ERI1: variants seen among roughly 807,000 people sequenced by gnomAD.
The protein encoded by ERI1 is exoribonuclease 1, also known as 3'-5' exoribonuclease 1.
A neutral mutation model predicts 39.7 loss-of-function variants in ERI1; 39 were observed. The ratio of observed to expected loss-of-function variants is 0.98; its 90% CI spans 0.76 to 1.28. The LOEUF (loss-of-function observed/expected upper bound fraction) is 1.28, where lower values mean the gene tolerates loss of function less well. Among genes scored for constraint, ERI1 ranks in the 50% most tolerant of loss-of-function variants. The pLI, the probability that ERI1 is intolerant of heterozygous loss-of-function variation, is 0.00. For missense variants in ERI1, 581 were observed against 416.9 expected (o/e 1.39, Z -3.43); for synonymous variants, 204 against 149.6 (o/e 1.36, Z -2.65).
At chr8:9,021,676 C>G (rs1817907326) in intron 6 of ERI1, among the ~76,000 whole-genome samples, 1 of 150,662 alleles carries the variant, frequency 6.6e-6, no homozygotes, top group Non-Finnish European at 1.5e-5. Context: ...TTCCTTATAG[C>G]TTTAGTATTT....
chr8:9,051,859 T>A (rs1339281379), intron 3 of ERI1, among the ~76,000 whole-genome samples: 1 of 152,242 alleles, frequency 6.6e-6, no homozygotes, highest in Non-Finnish European at 1.5e-5. Context: ...TTCAGTCATT[T>A]GGACTATAAT....
chr8:9,066,778 G>A (rs1483501454), intron 3 of ERI1, among the ~76,000 whole-genome samples: 4 of 152,106 alleles, frequency 2.6e-5, no homozygotes, highest in African/African-American at 4.8e-5. Flanking sequence ...ACAGGCGGGT[G>A]AGTTGAGAGG....
At position 9,038,604 on chromosome 8, in the gene ERI1, A is replaced by C. The variant is rs921657478; in HGVS notation, n.299+18140A>C. Among the ~76,000 whole-genome samples, 9 of 152,080 alleles carry C rather than the reference A, an allele frequency of 5.9e-5. No homozygotes were observed. In the South Asian group the frequency reaches 1.7e-3, roughly 28 times the overall value. The stretch of plus-strand genomic sequence containing the variant: ...AAACCCTGTTTCTACAAAAAATTCA[A>C]AACTTAGCTGGGCGTGGTGGCACAA... On this transcript the variant is annotated intron_variant and non_coding_transcript_variant, in intron 3 of 3. Transcript: ENST00000518663.
At chr8:9,064,442 G>T (rs745875940) in intron 3 of ERI1, among the ~76,000 whole-genome samples, 45 of 152,142 alleles carry the variant, frequency 3.0e-4, no homozygotes, top group Non-Finnish European at 8.8e-5. Context: ...AAACACCAAG[G>T]GAAGGCTGCC....
At chr8:9,050,317 G>A (rs1217130638) in intron 3 of ERI1, among the ~76,000 whole-genome samples, 1 of 152,098 alleles carries the variant, frequency 6.6e-6, no homozygotes, top group African/African-American at 2.4e-5. Context: ...AGACCACCCT[G>A]GCCAACATGG....
chr8:9,015,003 A>G (rs909933259), intron 3 of ERI1, among the ~76,000 whole-genome samples: 2 of 152,016 alleles, frequency 1.3e-5, no homozygotes, highest in African/African-American at 2.4e-5. Flanking sequence ...TCGCCCAGCT[A>G]ATTTTTGTAT....
At chr8:9,093,504 T>TTA (rs1491102867) in intron 3 of ERI1, among the ~76,000 whole-genome samples, 2 of 124,866 alleles carry the variant, frequency 1.6e-5, no homozygotes, top group Admixed American at 8.6e-5. Flanking sequence ...ACCTTGTCTC[T>TTA]AAAAAAAAAA....
In ERI1 at chr8:9,070,014, G is replaced by A. The variant is rs553895193; in HGVS notation, n.300-46334G>A. Among the ~76,000 whole-genome samples the A allele has an allele frequency of 5.9e-5, 9 of 152,144 alleles. No homozygotes were observed. The South Asian group carries it at 8.3e-4, about 14-fold the overall frequency. On this transcript the variant is annotated intron_variant and non_coding_transcript_variant, in intron 3 of 3. Transcript: ENST00000518663. ...AGCACTTTGGGAGGCTGAGGTGGGC[G>A]GATCACCTGAGGTCAGGAGTTTGAG...
chr8:9,058,166 C>T (rs1268004302), intron 3 of ERI1, among the ~76,000 whole-genome samples: 2 of 152,314 alleles, frequency 1.3e-5, no homozygotes, highest in East Asian at 3.9e-4. Flanking sequence ...AGCAGACAGA[C>T]TGCTGCAAAT....
At chr8:9,018,491 C>G in intron 5 of ERI1, 85 bp downstream of exon 5, 1 of 778,012 alleles carries the variant, frequency 1.3e-6, no homozygotes, top group South Asian at 1.8e-5. Context: ...AGAATAACCA[C>G]AAACTATTAT....
intron 3 of ERI1, among the ~76,000 whole-genome samples, chr8:9,096,527 G>A (rs562524809): frequency 8.5e-5 from 13 of 152,200 alleles, no homozygotes; most frequent in Admixed American, 2.0e-4. Context: ...GCTGGACTGT[G>A]AAAGGGCTCA....
intron 6 of ERI1, among the ~76,000 whole-genome samples, chr8:9,029,415 A>G (rs1221612330): frequency 6.6e-6 from 1 of 151,758 alleles, no homozygotes; most frequent in East Asian, 1.9e-4. Context: ...TGCAGCCTCC[A>G]CCTCCCAGGT....
Position 9,020,455 on chromosome 8 carries a change from T to C in ERI1, c.798T>C (p.Asn266=). 1 of 1,585,352 alleles carries C rather than the reference T, an allele frequency of 6.3e-7. No individual in the cohort carries two copies. The highest frequency in any genetic ancestry group is 8.6e-7 in the Non-Finnish European group (1 of 1,164,902). Residue 266 remains asparagine (N), a synonymous_variant, in exon 6 of 7, where the codon AAT becomes AAC. Coordinates refer to ENST00000250263, the MANE Select transcript of ERI1 (RefSeq NM_153332.4). ...TCAATATTCGGAAGTCATATGGAAA[T>C]TTTTACAAGGTAAAATTTCTATATT... ...KWINIRKSYG[N]FYKVPRSQTK...
chr8:9,020,352 C>A lies in ERI1; in HGVS notation c.695C>A (p.Ser232Tyr). The change falls in exon 6 of 7, where the codon TCT becomes TAT. Residue 232 changes from serine (S) to tyrosine (Y), a missense_variant and splice_region_variant. Physicochemically the swap from Ser to Tyr is moderately radical, Grantham distance 144. Coordinates refer to ENST00000250263, the MANE Select transcript of ERI1 (RefSeq NM_153332.4). ...KYKYSLLTDG[S>Y]WDMSKFLNIQ... ...TTTTGTCCTTTTTTAATTTATAGTT[C>A]TTGGGATATGAGTAAGTTCTTGAAC... The A allele has an allele frequency of 6.4e-7, 1 of 1,555,762 alleles. No individual in the cohort carries two copies. The highest frequency in any genetic ancestry group is 8.7e-7 in the Non-Finnish European group (1 of 1,153,868).
chr8:9,004,673 T>C (rs1181651461), intron 1 of ERI1, among the ~76,000 whole-genome samples: 1 of 150,288 alleles, frequency 6.7e-6, no homozygotes, highest in Non-Finnish European at 1.5e-5. Flanking sequence ...CAAAAAATAA[T>C]AGTAATGATA....
intron 1 of ERI1, among the ~76,000 whole-genome samples, chr8:9,003,549 C>G (rs553409692): frequency 6.6e-6 from 1 of 152,192 alleles, no homozygotes; most frequent in African/African-American, 2.4e-5. Context: ...CTAGGTATGT[C>G]ACTTCATGCC....
chr8:9,042,779 G>T (rs1388686373), intron 3 of ERI1, among the ~76,000 whole-genome samples: 4 of 152,178 alleles, frequency 2.6e-5, no homozygotes, highest in Non-Finnish European at 1.5e-5. Context: ...GATTAGTGAT[G>T]CTCAACGAAT....
At chr8:9,037,689 A>T (rs182655077), downstream of ERI1, among the ~76,000 whole-genome samples, 1 of 152,106 alleles carries the variant, frequency 6.6e-6, no homozygotes, top group African/African-American at 2.4e-5. Flanking sequence ...TGCCGTGATG[A>T]ATGAGTTACT....
intron 3 of ERI1, among the ~76,000 whole-genome samples, chr8:9,014,045 C>G (rs1816965409): frequency 6.6e-6 from 1 of 152,154 alleles, no homozygotes; most frequent in African/African-American, 2.4e-5. Context: ...AGTCATTTCA[C>G]CCCTCTGCTC....
Sources: allele counts gnomAD v4.1 joint callset (sites outside exome capture counted in the v4.1 genomes callset), GRCh38; gene constraint gnomAD v4.1.1; transcripts MANE v1.5; gene names NCBI Gene and HGNC (gene_info 2026-07-23, HGNC 2026-07-21).